Variants in SRBD1 observed in about 807,000 individuals in gnomAD.
SRBD1 encodes the protein S1 RNA binding domain 1, also known as S1 RNA-binding domain-containing protein 1.
A neutral mutation model predicts 115.3 loss-of-function variants in SRBD1; 88 were observed. The ratio of observed to expected loss-of-function variants is 0.76; its 90% CI spans 0.64 to 0.91. The LOEUF (loss-of-function observed/expected upper bound fraction) is 0.91. SRBD1 is among the 40% of genes least tolerant of loss of function. The pLI is 0.00. For synonymous variants in SRBD1, 509 were observed against 407.7 expected, an observed-to-expected ratio of 1.25 and a Z score of -2.99; for missense variants, 1,385 against 1,177.4, an observed-to-expected ratio of 1.18 and a Z score of -2.58.
intron 11 of SRBD1, among the ~76,000 whole-genome samples, chr2:45,552,000 G>A (rs1051462013): frequency 2.8e-4 from 42 of 152,252 alleles, no homozygotes; most frequent in African/African-American, 8.9e-4. Context: ...CAGTCACCAC[G>A]GAGATAAAGG....
intron 16 of SRBD1, among the ~76,000 whole-genome samples, chr2:45,467,050 A>G (rs1181930477): frequency 6.6e-6 from 1 of 152,220 alleles, no homozygotes; most frequent in Non-Finnish European, 1.5e-5. Context: ...TGGTTCTCAA[A>G]CCCAGGCCAA....
chr2:45,489,070 A>G (rs1670211533), intron 14 of SRBD1, among the ~76,000 whole-genome samples: 1 of 152,200 alleles, frequency 6.6e-6, no homozygotes, highest in African/African-American at 2.4e-5. Flanking sequence ...CACAATGAGA[A>G]TACTGTCTTA....
chr2:45,459,167 G>A (rs930820521), intron 16 of SRBD1, among the ~76,000 whole-genome samples: 2 of 152,140 alleles, frequency 1.3e-5, no homozygotes, highest in Admixed American at 6.5e-5. Context: ...CACAACAGAA[G>A]AATCAGATAC....
chr2:45,601,365 T>C (rs1326624933), intron 3 of SRBD1, among the ~76,000 whole-genome samples: 3 of 152,236 alleles, frequency 2.0e-5, no homozygotes, highest in Admixed American at 2.0e-4. Context: ...TTTTAAACTA[T>C]TAAATATTAA....
At chr2:45,522,234 A>G (rs1010150982) in intron 14 of SRBD1, among the ~76,000 whole-genome samples, 1 of 152,044 alleles carries the variant, frequency 6.6e-6, no homozygotes, top group African/African-American at 2.4e-5. Flanking sequence ...CCCAGGCTAG[A>G]GCAGTGGCAT....
intron 16 of SRBD1, among the ~76,000 whole-genome samples, chr2:45,426,758 G>A (rs1312656167): frequency 6.6e-6 from 1 of 152,104 alleles, no homozygotes; most frequent in East Asian, 1.9e-4. Flanking sequence ...GCAGCAGAGG[G>A]GCCTATTAGA....
chr2:45,521,874 G>C (rs1671295308), intron 14 of SRBD1, among the ~76,000 whole-genome samples: 1 of 152,014 alleles, frequency 6.6e-6, no homozygotes, highest in African/African-American at 2.4e-5. Flanking sequence ...AGGCTCAGCT[G>C]GGAGGATCGC....
intron 16 of SRBD1, among the ~76,000 whole-genome samples, chr2:45,475,625 G>C (rs1572681689): frequency 6.6e-6 from 1 of 152,280 alleles, no homozygotes; most frequent in South Asian, 2.1e-4. Context: ...ATCTTGCCAA[G>C]ATGCTCCATA....
chr2:45,484,728 T>C (rs904665657), intron 15 of SRBD1, among the ~76,000 whole-genome samples: 1 of 152,218 alleles, frequency 6.6e-6, no homozygotes, highest in African/African-American at 2.4e-5. Flanking sequence ...CCTGTACCCA[T>C]TAAGCAGTCA....
rs182319817 is a variant in SRBD1, at chr2:45,573,188, A to G, written c.1305+19T>C. On this transcript the variant is annotated intron_variant, in intron 9 of 20. Coordinates refer to ENST00000263736, the MANE Select transcript of SRBD1 (RefSeq NM_018079.5). The stretch of plus-strand genomic sequence containing the variant: ...TCATTATTACGAAATCAGCATGCAC[A>G]TGCAGTTTCTTTATTTACCTGATGA... The G allele has an allele frequency of 6.3e-4, 994 of 1,585,304 alleles. 7 individuals carry two copies. The African/African-American group carries it at 0.012, about 19-fold the overall frequency.
rs1023952317 is a variant in SRBD1 at position 45,412,848 on chromosome 2, A to T, written c.2513+266T>A. ...TGTCTTGTTAATTTCCAAAACAAAC[A>T]GAGGGGAGTGCCATGCAATTTCCAT... On this transcript the variant is annotated intron_variant, in intron 19 of 20. Transcript: ENST00000263736. 2.6e-5 allele frequency among the ~76,000 whole-genome samples: 4 copies of T among 152,198 alleles called. No homozygotes were observed. The South Asian group carries it at 8.3e-4, about 31-fold the overall frequency.
At chr2:45,395,049 C>T (rs1206447204) in intron 19 of SRBD1, among the ~76,000 whole-genome samples, 3 of 152,138 alleles carry the variant, frequency 2.0e-5, no homozygotes, top group Non-Finnish European at 2.9e-5. Flanking sequence ...ACTGATGGGG[C>T]GGATGACACA....
At chr2:45,445,691 C>A (rs992534691) in intron 16 of SRBD1, among the ~76,000 whole-genome samples, 1 of 151,724 alleles carries the variant, frequency 6.6e-6, no homozygotes, top group Non-Finnish European at 1.5e-5. Context: ...TAAACCATGC[C>A]AGAGTCCATC....
intron 20 of SRBD1, among the ~76,000 whole-genome samples, chr2:45,391,504 T>C (rs371992838): frequency 2.0e-5 from 3 of 152,252 alleles, no homozygotes; most frequent in African/African-American, 7.2e-5. Context: ...CCCTCGAAAG[T>C]ATAGTTTGTA....
chr2:45,466,684 C>G (rs532836499), intron 16 of SRBD1, among the ~76,000 whole-genome samples: 26 of 152,258 alleles, frequency 1.7e-4, no homozygotes, highest in African/African-American at 6.0e-4. Context: ...CAGTTCTGTT[C>G]CTATTTCATC....
chr2:45,500,935 G>A (rs1485692788), intron 14 of SRBD1, among the ~76,000 whole-genome samples: 2 of 152,100 alleles, frequency 1.3e-5, no homozygotes, highest in East Asian at 3.8e-4. Context: ...GATAGAAGTG[G>A]GAAAGTAGGC....
At chr2:45,392,354 G>A (rs1667028078) in intron 20 of SRBD1, among the ~76,000 whole-genome samples, 1 of 152,222 alleles carries the variant, frequency 6.6e-6, no homozygotes, top group Admixed American at 6.5e-5. Context: ...TCCTTGGGAA[G>A]TAGGTCATTT....
At chr2:45,583,324 T>C (rs1673423604) in intron 5 of SRBD1, among the ~76,000 whole-genome samples, 1 of 152,172 alleles carries the variant, frequency 6.6e-6, no homozygotes, top group Admixed American at 6.5e-5. Context: ...ATAGTCATGG[T>C]AGCCCAAGAC....
intron 14 of SRBD1, among the ~76,000 whole-genome samples, chr2:45,490,139 G>C (rs944356561): frequency 1.3e-5 from 2 of 152,020 alleles, no homozygotes; most frequent in Non-Finnish European, 2.9e-5. Context: ...TAATGATCAA[G>C]GAGAAAATGT....
Sources: gnomAD v4.1 joint callset for allele counts (sites outside exome capture counted in the v4.1 genomes callset) on GRCh38, gnomAD v4.1.1 for gene constraint, MANE v1.5 for transcripts, NCBI Gene and HGNC (gene_info 2026-07-23, HGNC 2026-07-21) for gene names.